Variants in CLMP observed in about 807,000 individuals in gnomAD.
CLMP encodes the protein CXADR like cell adhesion molecule, also known as CXADR-like membrane protein.
In CLMP, 27 loss-of-function variants were observed where a neutral mutation model predicts 45.2. That is an observed-to-expected ratio of 0.60 (90% CI 0.44 to 0.82). The LOEUF (loss-of-function observed/expected upper bound fraction) is 0.82, where lower values mean the gene tolerates loss of function less well. CLMP is among the 40% of genes least tolerant of loss of function. The pLI is 0.00. For missense variants in CLMP, 403 were observed against 448.4 expected, an observed-to-expected ratio of 0.90 and a Z score of 0.91; for synonymous variants, 167 against 171.4, an observed-to-expected ratio of 0.97 and a Z score of 0.20.
At chr11:123,145,204 A>G (rs964816312) in intron 1 of CLMP, among the ~76,000 whole-genome samples, 1 of 152,134 alleles carries the variant, frequency 6.6e-6, no homozygotes, top group African/African-American at 2.4e-5. Context: ...TTTAAATTCC[A>G]TGGGGGCTCA....
At chr11:123,073,821 G>A (rs1218738762) in intron 6 of CLMP, 47 bp from the exon 7 acceptor site, 1 of 1,518,236 alleles carries the variant, frequency 6.6e-7, no homozygotes, top group Non-Finnish European at 8.8e-7. Flanking sequence ...ATCTGTGATT[G>A]CTTCCAGTAT....
chr11:123,166,365 T>C (rs368558038), intron 1 of CLMP, among the ~76,000 whole-genome samples: 1 of 152,236 alleles, frequency 6.6e-6, no homozygotes, highest in East Asian at 1.9e-4. Context: ...GCAGTCAGAA[T>C]GCCAAGAGCT....
chr11:123,164,129 A>G (rs1565401243), intron 1 of CLMP, among the ~76,000 whole-genome samples: 1 of 152,296 alleles, frequency 6.6e-6, no homozygotes, highest in East Asian at 1.9e-4. Flanking sequence ...ACGAAAATCA[A>G]TAGTAAATAC....
At chr11:123,121,228 C>T (rs1860813133) in intron 1 of CLMP, among the ~76,000 whole-genome samples, 1 of 151,700 alleles carries the variant, frequency 6.6e-6, no homozygotes, top group South Asian at 2.1e-4. Flanking sequence ...TTCCCAACGT[C>T]AGTGTCTGTA....
chr11:123,081,783 A>G lies in CLMP; in HGVS notation c.679+1302T>C, dbSNP rs554609524. ...AGGCTGAGGCAGGAGAGTCGCTTGA[A>G]CCCGGGAGGCAGAGGCTGCAGTAAG... is the stretch of plus-strand genomic sequence containing the variant. On this transcript the variant is annotated intron_variant, in intron 5 of 6. Coordinates refer to ENST00000448775, the MANE Select transcript of CLMP (RefSeq NM_024769.5). Among the ~76,000 whole-genome samples, 37 of 150,510 alleles carry G rather than the reference A, an allele frequency of 2.5e-4. 2 individuals are homozygous for G. In the South Asian group the frequency reaches 7.8e-3, roughly 32 times the overall value.
chr11:123,079,755 G>T (rs1336619884), intron 5 of CLMP, among the ~76,000 whole-genome samples: 1 of 152,122 alleles, frequency 6.6e-6, no homozygotes, highest in Non-Finnish European at 1.5e-5. Flanking sequence ...TGACTGTTGT[G>T]TTTTTAAGAA....
At chr11:123,174,768 T>C (rs1273391231) in intron 1 of CLMP, among the ~76,000 whole-genome samples, 1 of 152,196 alleles carries the variant, frequency 6.6e-6, no homozygotes, top group Admixed American at 6.6e-5. Context: ...ACTTAGGATT[T>C]TTTAAATGGT....
At chr11:123,083,063 T>C (rs1378329912) in intron 5 of CLMP, 22 bp downstream of exon 5, 1 of 1,611,370 alleles carries the variant, frequency 6.2e-7, no homozygotes, top group Admixed American at 1.7e-5. Flanking sequence ...AAAATGAAAC[T>C]AAAACCTCTT....
intron 2 of CLMP, among the ~76,000 whole-genome samples, chr11:123,087,502 C>G (rs1441357135): frequency 6.7e-6 from 1 of 148,340 alleles, no homozygotes; most frequent in Non-Finnish European, 1.5e-5. Context: ...TAACAAGATT[C>G]TGTCTCAAAA....
At chr11:123,166,140 T>C (rs1861552991) in intron 1 of CLMP, among the ~76,000 whole-genome samples, 1 of 152,008 alleles carries the variant, frequency 6.6e-6, no homozygotes, top group African/African-American at 2.4e-5. Context: ...TCCAACCTCC[T>C]TTCCGCATCG....
At chr11:123,165,344 T>C (rs1861542722) in intron 1 of CLMP, among the ~76,000 whole-genome samples, 1 of 152,252 alleles carries the variant, frequency 6.6e-6, no homozygotes, top group Non-Finnish European at 1.5e-5. Flanking sequence ...CTTGACCTAT[T>C]ACAACTTTAG....
At chr11:123,084,305 G>A (rs1865838928) in intron 3 of CLMP, among the ~76,000 whole-genome samples, 1 of 152,074 alleles carries the variant, frequency 6.6e-6, no homozygotes, top group Non-Finnish European at 1.5e-5. Context: ...GGACAACTAT[G>A]GAAAATTGCT....
At chr11:123,075,630 G>A (rs1263829878) in intron 5 of CLMP, among the ~76,000 whole-genome samples, 1 of 150,460 alleles carries the variant, frequency 6.6e-6, no homozygotes, top group Non-Finnish European at 1.5e-5. Context: ...CTCGTGATCC[G>A]CCCTCCTCGT....
chr11:123,161,647 G>C (rs1259318519), intron 1 of CLMP, among the ~76,000 whole-genome samples: 1 of 152,174 alleles, frequency 6.6e-6, no homozygotes, highest in Non-Finnish European at 1.5e-5. Flanking sequence ...CAGCATTCCA[G>C]CCTGGCAACG....
At chr11:123,142,281 T>G (rs934863533) in intron 1 of CLMP, among the ~76,000 whole-genome samples, 2 of 151,792 alleles carry the variant, frequency 1.3e-5, no homozygotes, top group Non-Finnish European at 2.9e-5. Context: ...TCACTGCGCC[T>G]GGCTGATCTA....
intron 1 of CLMP, among the ~76,000 whole-genome samples, chr11:123,144,906 T>A (rs1292895964): frequency 6.6e-6 from 1 of 152,140 alleles, no homozygotes; most frequent in Admixed American, 6.6e-5. Flanking sequence ...ACTTTCCTGC[T>A]GTCCCGGTTT....
intron 1 of CLMP, among the ~76,000 whole-genome samples, chr11:123,150,471 GAAAGAAAGA>G (rs1565397389): frequency 8.1e-4 from 84 of 103,472 alleles, no homozygotes; most frequent in Non-Finnish European, 1.0e-3. Context: ...AAGAAAGAAA[GAAAGAAAGA>G]AAGGAAGGAA....
chr11:123,151,354 T>TAG (rs994938322), intron 1 of CLMP, among the ~76,000 whole-genome samples: 2 of 152,236 alleles, frequency 1.3e-5, no homozygotes, highest in Non-Finnish European at 2.9e-5. Context: ...TTCTGGATCT[T>TAG]AGAGAGATGT....
intron 1 of CLMP, among the ~76,000 whole-genome samples, chr11:123,102,707 C>CTTTTTTTTTTT (rs34392557): frequency 6.7e-3 from 630 of 93,336 alleles, no homozygotes; most frequent in African/African-American, 0.011. Flanking sequence ...TCCCGAGTAG[C>CTTTTTTTTTTT]TTTTTTTTTT....
Sources: gnomAD v4.1 joint callset for allele counts (sites outside exome capture counted in the v4.1 genomes callset) on GRCh38, gnomAD v4.1.1 for gene constraint, MANE v1.5 for transcripts, NCBI Gene and HGNC (gene_info 2026-07-23, HGNC 2026-07-21) for gene names.